BRINP3: variants seen among roughly 807,000 people sequenced by gnomAD.
BRINP3 encodes the protein BMP/retinoic acid inducible neural specific 3.
A neutral mutation model predicts 71.0 loss-of-function variants in BRINP3; 19 were observed. The ratio of observed to expected loss-of-function variants is 0.27; its 90% CI spans 0.19 to 0.39. The LOEUF (loss-of-function observed/expected upper bound fraction) is 0.39. Ranked by LOEUF, BRINP3 falls within the 10% of genes least tolerant of loss-of-function variation. The probability of loss-of-function intolerance (pLI) is 1.00; values close to 1 mark genes in which losing one functional copy is unlikely to be tolerated. For missense variants in BRINP3, 959 were observed against 940.8 expected (o/e 1.02, Z -0.25); for synonymous variants, 380 against 337.7 (o/e 1.13, Z -1.37).
rs375701759 is a variant in BRINP3 at position 190,160,709 on chromosome 1, C to T, written c.1143G>A (p.Lys381=). Residue 381 remains lysine, a synonymous_variant, in exon 7 of 8, where the codon AAG becomes AAA. Coordinates refer to ENST00000367462, the MANE Select transcript of BRINP3 (RefSeq NM_199051.3). ...KIVHKLFSLS[K]RCHKQPLISL... is the part of the protein sequence containing the mutation. ...TGATGAGGGGTTGTTTATGACACCT[C>T]TTGCTAAGGCTAAAAAGCTTGTGTA... is the stretch of plus-strand genomic sequence containing the variant. The T allele has an allele frequency of 5.0e-6, 8 of 1,613,300 alleles. No homozygotes were observed. In the African/African-American group the frequency reaches 9.4e-5, roughly 19 times the overall value.
chr1:190,236,891 C>T (rs768576319), intron 4 of BRINP3, among the ~76,000 whole-genome samples: 2 of 151,878 alleles, frequency 1.3e-5, no homozygotes, highest in Non-Finnish European at 2.9e-5. Flanking sequence ...TAAACACACA[C>T]ACGCCTGCCT....
At chr1:190,373,282 C>T (rs544822451) in intron 2 of BRINP3, among the ~76,000 whole-genome samples, 9 of 151,782 alleles carry the variant, frequency 5.9e-5, no homozygotes, top group African/African-American at 1.9e-4. Flanking sequence ...CCCAGCTACT[C>T]GGGAGGCTTA....
chr1:190,255,477 T>C (rs1660578971), intron 4 of BRINP3, among the ~76,000 whole-genome samples: 1 of 152,162 alleles, frequency 6.6e-6, no homozygotes, highest in Admixed American at 6.5e-5. Flanking sequence ...TATTGGTCTA[T>C]TCAGAGATTC....
At chr1:190,312,075 A>ATATGTG (rs1328430258) in intron 2 of BRINP3, among the ~76,000 whole-genome samples, 1 of 136,548 alleles carries the variant, frequency 7.3e-6, no homozygotes, top group African/African-American at 2.7e-5. Flanking sequence ...ATATATATAT[A>ATATGTG]TGTATTTCTA....
chr1:190,458,892 C>A (rs540331371), intron 1 of BRINP3, among the ~76,000 whole-genome samples: 1 of 151,768 alleles, frequency 6.6e-6, no homozygotes, highest in South Asian at 2.1e-4. Context: ...AACATCAATG[C>A]ACCATATTTT....
chr1:190,444,301 G>T (rs1449127617), intron 2 of BRINP3, among the ~76,000 whole-genome samples: 1 of 144,292 alleles, frequency 6.9e-6, no homozygotes, highest in African/African-American at 2.5e-5. Flanking sequence ...GAATTTTAAT[G>T]GGGTGTGTTT....
At chr1:190,165,461 T>G (rs1651431807) in intron 6 of BRINP3, among the ~76,000 whole-genome samples, 1 of 68,708 alleles carries the variant, frequency 1.5e-5, no homozygotes, top group Non-Finnish European at 2.7e-5. Context: ...TTTTTTTTTT[T>G]GTGTGTGTGT....
At chr1:190,253,361 C>T (rs1660328739) in intron 4 of BRINP3, among the ~76,000 whole-genome samples, 1 of 152,186 alleles carries the variant, frequency 6.6e-6, no homozygotes, top group Admixed American at 6.5e-5. Context: ...CTGTCTTTCA[C>T]AATGGTTGAA....
chr1:190,187,260 G>A (rs1192163819), intron 6 of BRINP3, among the ~76,000 whole-genome samples: 1 of 152,054 alleles, frequency 6.6e-6, no homozygotes, highest in Non-Finnish European at 1.5e-5. Context: ...TTGAGTTACT[G>A]TTATATTTTC....
intron 2 of BRINP3, among the ~76,000 whole-genome samples, chr1:190,405,679 A>G (rs555779749): frequency 6.6e-6 from 1 of 152,108 alleles, no homozygotes; most frequent in African/African-American, 2.4e-5. Flanking sequence ...AGCAATTGCT[A>G]GATACACTAT....
At chr1:190,424,146 C>A (rs1673553240) in intron 2 of BRINP3, among the ~76,000 whole-genome samples, 1 of 151,488 alleles carries the variant, frequency 6.6e-6, no homozygotes. Context: ...GAACTTAATT[C>A]TCCTGCCTCT....
intron 2 of BRINP3, among the ~76,000 whole-genome samples, chr1:190,387,942 C>T (rs944362043): frequency 5.3e-5 from 8 of 151,738 alleles, no homozygotes; most frequent in African/African-American, 1.9e-4. Flanking sequence ...CAAAATTAAA[C>T]TATTGTGGTC....
chr1:190,403,784 T>A (rs1299512473), intron 2 of BRINP3, among the ~76,000 whole-genome samples: 1 of 152,258 alleles, frequency 6.6e-6, no homozygotes, highest in Non-Finnish European at 1.5e-5. Context: ...GATATTTGAC[T>A]ATAATTCCCT....
chr1:190,469,962 A>G (rs1000923960), intron 1 of BRINP3, among the ~76,000 whole-genome samples: 2 of 151,056 alleles, frequency 1.3e-5, no homozygotes, highest in African/African-American at 2.4e-5. Flanking sequence ...ACATTTTTGA[A>G]CAGCATCTGA....
At chr1:190,297,526 A>G (rs1291740929) in intron 2 of BRINP3, among the ~76,000 whole-genome samples, 1 of 152,146 alleles carries the variant, frequency 6.6e-6, no homozygotes, top group African/African-American at 2.4e-5. Context: ...TCATAGATGC[A>G]ATTTATGAAG....
At chr1:190,297,418 C>T (rs1001177311) in intron 2 of BRINP3, among the ~76,000 whole-genome samples, 7 of 151,608 alleles carry the variant, frequency 4.6e-5, no homozygotes, top group Non-Finnish European at 8.8e-5. Context: ...AATCATAAAA[C>T]TCCTAAAAGA....
At position 190,473,899 on chromosome 1, in the gene BRINP3, A is replaced by AC. The variant is rs551856998; in HGVS notation, c.-51+3548dup. 2.1e-5 allele frequency among the ~76,000 whole-genome samples: 3 copies of AC among 141,722 alleles called. No individual in the cohort carries two copies. In the East Asian group the frequency reaches 6.3e-4, roughly 30 times the overall value. The allele number at this position is 141,722 out of a possible 152,430, so 93.0% of individuals were successfully genotyped here. On this transcript the variant is annotated intron_variant, in intron 1 of 7. Coordinates refer to ENST00000367462, the MANE Select transcript of BRINP3 (RefSeq NM_199051.3). Reference sequence around the variant, plus strand: ...TTCCTTCTATTTTACAACCCAACCCACCCCCACCTCATGTATTTTTTCTTA... The same window carrying AC: ...TTCCTTCTATTTTACAACCCAACCCACCCCCCACCTCATGTATTTTTTCTTA...
At chr1:190,273,557 CAG>C (rs1045587768) in intron 3 of BRINP3, among the ~76,000 whole-genome samples, 38 of 151,460 alleles carry the variant, frequency 2.5e-4, no homozygotes, top group African/African-American at 5.6e-4. Context: ...AAATGGGAAA[CAG>C]GGGACAATAA....
At chr1:190,320,112 A>T (rs544307942) in intron 2 of BRINP3, among the ~76,000 whole-genome samples, 1 of 152,136 alleles carries the variant, frequency 6.6e-6, no homozygotes, top group African/African-American at 2.4e-5. Flanking sequence ...ATAATGAAAC[A>T]AATTTTAACA....
Sources: gnomAD v4.1 joint callset for allele counts (sites outside exome capture counted in the v4.1 genomes callset) on GRCh38, gnomAD v4.1.1 for gene constraint, MANE v1.5 for transcripts, NCBI Gene and HGNC (gene_info 2026-07-23, HGNC 2026-07-21) for gene names.